Variants in RIMS2 observed in about 807,000 individuals in gnomAD.
The protein encoded by RIMS2 is regulating synaptic membrane exocytosis 2.
Under a neutral mutation model 174.4 loss-of-function variants are expected in RIMS2, and 59 were observed. The observed-to-expected ratio is 0.34, with a 90% CI of 0.27 to 0.42. The LOEUF (loss-of-function observed/expected upper bound fraction) is 0.42, where lower values mean the gene tolerates loss of function less well. Ranked by LOEUF, RIMS2 falls within the 10% of genes least tolerant of loss-of-function variation. RIMS2 has a pLI of 1.00. For missense variants in RIMS2, 1,620 were observed against 1,666.3 expected, an observed-to-expected ratio of 0.97 and a Z score of 0.48; for synonymous variants, 606 against 572.5, an observed-to-expected ratio of 1.06 and a Z score of -0.84.
At chr8:103,783,296 T>G (rs186341135) in intron 3 of RIMS2, among the ~76,000 whole-genome samples, 1 of 151,416 alleles carries the variant, frequency 6.6e-6, no homozygotes, top group Admixed American at 6.6e-5. Context: ...ATACTTTAAG[T>G]TTTAGGGTAC....
intron 3 of RIMS2, among the ~76,000 whole-genome samples, chr8:103,789,444 G>T (rs540298375): frequency 6.6e-6 from 1 of 152,058 alleles, no homozygotes; most frequent in African/African-American, 2.4e-5. Flanking sequence ...TTTCCCTTTT[G>T]ATTAGTTTAA....
chr8:104,135,939 T>C (rs1394740155), intron 19 of RIMS2, among the ~76,000 whole-genome samples: 1 of 152,216 alleles, frequency 6.6e-6, no homozygotes, highest in Admixed American at 6.5e-5. Context: ...GTGGATACTG[T>C]TGGGGTAATC....
In RIMS2 at chr8:103,714,791, G is replaced by T. The variant is rs556169961; in HGVS notation, c.387+17495G>T. On this transcript the variant is annotated intron_variant, in intron 2 of 23. Transcript: ENST00000504942. ...ATACTTAAAGTAAATTGATCTTGTG[G>T]AGAGGAAGGGTGACTGATTATTAGA... Among the ~76,000 whole-genome samples, 3 of 152,184 alleles carry T rather than the reference G, an allele frequency of 2.0e-5. No homozygotes were observed. In the South Asian group the frequency reaches 6.2e-4, roughly 32 times the overall value.
At chr8:103,935,910 C>A (rs2081136049) in intron 12 of RIMS2, among the ~76,000 whole-genome samples, 1 of 152,064 alleles carries the variant, frequency 6.6e-6, no homozygotes, top group African/African-American at 2.4e-5. Flanking sequence ...AACATGAAAA[C>A]CTCTGAGCTG....
chr8:104,034,204 A>G (rs981104542), intron 19 of RIMS2, among the ~76,000 whole-genome samples: 9 of 152,308 alleles, frequency 5.9e-5, no homozygotes, highest in African/African-American at 1.9e-4. Flanking sequence ...AGAACAATTT[A>G]TAATACCTGG....
At chr8:103,666,288 A>G (rs557009401) in intron 1 of RIMS2, among the ~76,000 whole-genome samples, 1 of 152,328 alleles carries the variant, frequency 6.6e-6, no homozygotes, top group South Asian at 2.1e-4. Flanking sequence ...GTCTGTTTAT[A>G]CATCTAGTTA....
chr8:104,142,300 G>A (rs2098590127), intron 19 of RIMS2, among the ~76,000 whole-genome samples: 1 of 151,300 alleles, frequency 6.6e-6, no homozygotes. Context: ...GCTAATTTTT[G>A]TTAGTTTTAG....
intron 3 of RIMS2, among the ~76,000 whole-genome samples, chr8:103,775,821 G>A (rs1330325701): frequency 6.6e-6 from 1 of 152,080 alleles, no homozygotes; most frequent in African/African-American, 2.4e-5. Context: ...TTACTGCATA[G>A]AAGTCAGTTT....
intron 2 of RIMS2, among the ~76,000 whole-genome samples, chr8:103,704,514 A>G (rs756801862): frequency 6.6e-6 from 1 of 152,056 alleles, no homozygotes; most frequent in Non-Finnish European, 1.5e-5. Context: ...CTCCTCTTCA[A>G]AACTTGTTGG....
chr8:103,978,500 A>G (rs975975801), intron 16 of RIMS2, among the ~76,000 whole-genome samples: 2 of 152,274 alleles, frequency 1.3e-5, no homozygotes, highest in African/African-American at 4.8e-5. Flanking sequence ...CTTTGCACAA[A>G]GACTGGACCA....
chr8:104,003,013 C>T (rs1309505155), intron 17 of RIMS2, among the ~76,000 whole-genome samples: 4 of 151,986 alleles, frequency 2.6e-5, no homozygotes, highest in Non-Finnish European at 5.9e-5. Flanking sequence ...TATCATGTTA[C>T]CCTTTATTAA....
At chr8:103,797,911 C>T (rs1353024712) in intron 3 of RIMS2, among the ~76,000 whole-genome samples, 2 of 152,076 alleles carry the variant, frequency 1.3e-5, no homozygotes, top group Non-Finnish European at 2.9e-5. Flanking sequence ...TAAGAGCACC[C>T]TTTTTACTCT....
chr8:104,116,352 G>C lies in RIMS2; in HGVS notation c.3334+101737G>C, dbSNP rs140655704. ...AAAGAAATATTGTAATGGATTTTAA[G>C]TCTCCAGAAGTAGAGCTAATTATAG... On this transcript the variant is annotated intron_variant, in intron 19 of 23. Transcript: ENST00000504942. 1.9e-3 allele frequency among the ~76,000 whole-genome samples: 292 copies of C among 152,204 alleles called. 1 individual carries two copies. Among genetic ancestry groups the C allele is most frequent in the Non-Finnish European group, 1.8e-3 (125 of 67,994 alleles).
chr8:103,993,682 A>G (rs2154550996), intron 17 of RIMS2, among the ~76,000 whole-genome samples: 1 of 152,272 alleles, frequency 6.6e-6, no homozygotes, highest in East Asian at 1.9e-4. Context: ...AGACAGTTAA[A>G]TCATACTGAG....
intron 19 of RIMS2, among the ~76,000 whole-genome samples, chr8:104,140,902 G>A (rs1369988563): frequency 2.0e-5 from 3 of 152,160 alleles, no homozygotes; most frequent in African/African-American, 7.2e-5. Context: ...TAAAAATAAA[G>A]TAGCTGAAAT....
intron 1 of RIMS2, among the ~76,000 whole-genome samples, chr8:103,573,094 C>T (rs1229228615): frequency 6.6e-6 from 1 of 151,938 alleles, no homozygotes; most frequent in Non-Finnish European, 1.5e-5. Context: ...GAGTCTCGCT[C>T]TGTTGTCCAG....
chr8:104,096,115 A>G (rs1301417266), intron 19 of RIMS2, among the ~76,000 whole-genome samples: 3 of 152,110 alleles, frequency 2.0e-5, no homozygotes, highest in Non-Finnish European at 4.4e-5. Context: ...GGCATAGGAT[A>G]ATTTCATCAC....
At chr8:103,554,471 C>G (rs966451975) in intron 1 of RIMS2, among the ~76,000 whole-genome samples, 6 of 152,072 alleles carry the variant, frequency 3.9e-5, no homozygotes, top group African/African-American at 1.4e-4. Flanking sequence ...AAATGCAAAT[C>G]AAAACCATGA....
chr8:103,762,736 A>G (rs937603252), intron 2 of RIMS2, among the ~76,000 whole-genome samples: 8 of 152,134 alleles, frequency 5.3e-5, no homozygotes, highest in Admixed American at 3.9e-4. Context: ...TCATTAGGCA[A>G]TTTTGTCATG....
Sources: gnomAD v4.1 joint callset for allele counts (sites outside exome capture counted in the v4.1 genomes callset) on GRCh38, gnomAD v4.1.1 for gene constraint, MANE v1.5 for transcripts, NCBI Gene and HGNC (gene_info 2026-07-23, HGNC 2026-07-21) for gene names.